Variants in AVEN observed in about 807,000 individuals in gnomAD.
The protein encoded by AVEN is apoptosis and caspase activation inhibitor, also known as cell death regulator Aven.
Under a neutral mutation model 38.1 loss-of-function variants are expected in AVEN, and 41 were observed. The ratio of observed to expected loss-of-function variants is 1.08; its 90% CI spans 0.84 to 1.40. AVEN has a LOEUF of 1.40. Among genes scored for constraint, AVEN ranks in the 40% most tolerant of loss-of-function variants. The probability of loss-of-function intolerance (pLI) is 0.00; values close to 1 mark genes in which losing one functional copy is unlikely to be tolerated. For synonymous variants in AVEN, 206 were observed against 171.8 expected, an observed-to-expected ratio of 1.20 and a Z score of -1.56; for missense variants, 605 against 438.8, an observed-to-expected ratio of 1.38 and a Z score of -3.38.
intron 2 of AVEN, among the ~76,000 whole-genome samples, chr15:33,981,043 T>C (rs1407566553): frequency 6.6e-6 from 1 of 151,908 alleles, no homozygotes; most frequent in African/African-American, 2.4e-5. Flanking sequence ...GAGGTCACAC[T>C]GAGTTTTTAT....
intron 2 of AVEN, among the ~76,000 whole-genome samples, chr15:33,967,461 G>A (rs1895435666): frequency 6.6e-6 from 1 of 152,018 alleles, no homozygotes; most frequent in African/African-American, 2.4e-5. Context: ...GTACAAATAG[G>A]TGAAATGAGA....
At chr15:33,982,941 T>TC (rs56928120) in intron 2 of AVEN, among the ~76,000 whole-genome samples, 39,883 of 151,536 alleles carry the variant, frequency 0.26, 7,287 homozygotes, top group African/African-American at 0.5. Flanking sequence ...GGGACATGCC[T>TC]CCTTCCTACC....
exon 1 of AVEN, among the ~76,000 whole-genome samples, chr15:34,074,916 C>T (rs1050643916): frequency 2.0e-5 from 3 of 152,104 alleles, no homozygotes; most frequent in Admixed American, 2.0e-4. Flanking sequence ...CGGTGGCTCA[C>T]ACCTGTAATC....
rs566669918 is a variant in AVEN, at chr15:34,015,396, A to G, written c.268-12187T>C. ...ACTCGGGAGGCTGAGGCAGGAGAAT[A>G]GCGTGAACCCGGGAGGCGGAGCTTG... On this transcript the variant is annotated intron_variant, in intron 1 of 5. Transcript: ENST00000306730. 6.6e-4 allele frequency among the ~76,000 whole-genome samples: 100 copies of G among 152,064 alleles called. 2 individuals are homozygous for G. Among genetic ancestry groups the G allele is most frequent in the Middle Eastern group, 3.4e-3 (1 of 294 alleles).
At chr15:33,901,434 A>G (rs919748530) in intron 2 of AVEN, among the ~76,000 whole-genome samples, 11 of 152,214 alleles carry the variant, frequency 7.2e-5, no homozygotes, top group East Asian at 1.9e-4. Flanking sequence ...CATTGTCTCC[A>G]TATCTTCGCT....
upstream of AVEN, among the ~76,000 whole-genome samples, chr15:34,043,662 G>T (rs756539199): frequency 3.3e-5 from 5 of 152,166 alleles, no homozygotes; most frequent in African/African-American, 4.8e-5. Context: ...AGGGTACTTT[G>T]ACTTGAAGGG....
At chr15:34,002,783 C>CT in intron 2 of AVEN, among the ~76,000 whole-genome samples, 1 of 152,298 alleles carries the variant, frequency 6.6e-6, no homozygotes, top group Middle Eastern at 3.4e-3. Flanking sequence ...GCTTTTTCCA[C>CT]TTATAGAAAG....
In AVEN at chr15:33,992,452, G is replaced by C. The variant is rs556909378; in HGVS notation, c.445+10580C>G. On this transcript the variant is annotated intron_variant, in intron 2 of 5. Coordinates refer to ENST00000306730, the MANE Select transcript of AVEN (RefSeq NM_020371.3). Reference sequence around the variant, plus strand: ...ATTCAATATTCAGCTACAAGGAAAAGTTTTTTTGTTATCGGAGTTTTCCTT... The same window carrying C: ...ATTCAATATTCAGCTACAAGGAAAACTTTTTTTGTTATCGGAGTTTTCCTT... Among the ~76,000 whole-genome samples the C allele has an allele frequency of 2.6e-5, 4 of 152,104 alleles. No individual in the cohort carries two copies. The South Asian group carries it at 8.3e-4, about 32-fold the overall frequency.
intron 2 of AVEN, among the ~76,000 whole-genome samples, chr15:33,925,394 AG>A (rs1309848981): frequency 8.5e-5 from 13 of 152,230 alleles, no homozygotes; most frequent in Admixed American, 7.2e-4. Flanking sequence ...TGGTCAAAGA[AG>A]GAAGTCTGGC....
At chr15:33,985,140 G>T (rs567770620) in intron 2 of AVEN, among the ~76,000 whole-genome samples, 23 of 152,076 alleles carry the variant, frequency 1.5e-4, no homozygotes, top group African/African-American at 5.3e-4. Flanking sequence ...ACTATGCAGG[G>T]TCTGAGATTC....
intron 2 of AVEN, chr15:33,883,605 C>CA (rs1176986982): frequency 6.6e-6 from 1 of 151,992 alleles, no homozygotes; most frequent in Admixed American, 6.6e-5. Context: ...ATGTATATCA[C>CA]AAAAAATACT....
chr15:33,854,653 A>G, downstream of AVEN: 1 of 1,375,668 alleles, frequency 7.3e-7, no homozygotes, highest in South Asian at 1.4e-5. Flanking sequence ...ACAGCACCTC[A>G]GCACCTAAAC....
At chr15:33,927,009 C>G (rs964765100) in intron 2 of AVEN, among the ~76,000 whole-genome samples, 4 of 151,950 alleles carry the variant, frequency 2.6e-5, no homozygotes, top group Non-Finnish European at 5.9e-5. Flanking sequence ...AATCCCAGCA[C>G]TTTGGGAGGC....
upstream of AVEN, among the ~76,000 whole-genome samples, chr15:34,075,181 CA>C (rs58860397): frequency 0.14 from 9,342 of 67,100 alleles, 313 homozygotes; most frequent in East Asian, 0.33. Context: ...GACTCTGGCT[CA>C]AAAAAAAAAA....
chr15:34,055,192 CA>C (rs796394630), intron 5 of AVEN, among the ~76,000 whole-genome samples: 173 of 132,784 alleles, frequency 1.3e-3, no homozygotes, highest in Middle Eastern at 4.6e-3. Context: ...AACTCCGTCT[CA>C]AAAAAAAAAA....
intron 1 of AVEN, among the ~76,000 whole-genome samples, chr15:34,016,265 G>A (rs1191776856): frequency 6.6e-6 from 1 of 152,120 alleles, no homozygotes; most frequent in Admixed American, 6.6e-5. Context: ...AAACCGGAAA[G>A]CAACTTATCT....
chr15:33,927,100 A>T (rs939030174), intron 2 of AVEN, among the ~76,000 whole-genome samples: 5 of 151,974 alleles, frequency 3.3e-5, no homozygotes, highest in Non-Finnish European at 7.4e-5. Context: ...TAAAAATACA[A>T]AAAAATTAGC....
intron 2 of AVEN, among the ~76,000 whole-genome samples, chr15:33,970,260 G>A (rs1157632828): frequency 6.6e-6 from 1 of 151,806 alleles, no homozygotes; most frequent in African/African-American, 2.4e-5. Flanking sequence ...AGTTAAGGGA[G>A]TAAATTATAT....
At chr15:34,010,138 A>G (rs917252981) in intron 1 of AVEN, among the ~76,000 whole-genome samples, 1 of 152,194 alleles carries the variant, frequency 6.6e-6, no homozygotes, top group Admixed American at 6.5e-5. Context: ...CTGACTAGAC[A>G]AAAGGAACCA....
Sources: allele counts gnomAD v4.1 joint callset (sites outside exome capture counted in the v4.1 genomes callset), GRCh38; gene constraint gnomAD v4.1.1; transcripts MANE v1.5; gene names NCBI Gene and HGNC (gene_info 2026-07-23, HGNC 2026-07-21).